TANC2: variants seen among roughly 807,000 people sequenced by gnomAD.
TANC2 encodes protein TANC2.
TANC2 carries 26 observed loss-of-function variants against 210.5 expected under a neutral mutation model. The observed-to-expected ratio is 0.12, with a 90% CI of 0.09 to 0.17. The LOEUF is 0.17. Among genes scored for constraint, TANC2 ranks in the 10% least tolerant of loss-of-function variants. TANC2 has a pLI of 1.00. For missense variants in TANC2, 2,129 were observed against 2,608.9 expected (o/e 0.82, Z 4.01); for synonymous variants, 931 against 967.1 (o/e 0.96, Z 0.69).
At chr17:63,357,276 TACC>T (rs1351639030) in intron 14 of TANC2, among the ~76,000 whole-genome samples, 2 of 152,204 alleles carry the variant, frequency 1.3e-5, no homozygotes, top group Non-Finnish European at 2.9e-5. Context: ...GCAACCAGAC[TACC>T]ACTGAATTAA....
chr17:63,246,591 T>A (rs571916394), intron 8 of TANC2, among the ~76,000 whole-genome samples: 5 of 152,178 alleles, frequency 3.3e-5, no homozygotes, highest in Non-Finnish European at 5.9e-5. Flanking sequence ...TGTATCTGGC[T>A]TCTTTCACTC....
intron 9 of TANC2, among the ~76,000 whole-genome samples, chr17:63,269,440 GA>G (rs1249802556): frequency 6.6e-6 from 1 of 152,100 alleles, no homozygotes; most frequent in African/African-American, 2.4e-5. Context: ...CCGTAATAAA[GA>G]AGATTGGACA....
At chr17:63,018,282 G>A (rs1398319608) in intron 2 of TANC2, among the ~76,000 whole-genome samples, 3 of 151,836 alleles carry the variant, frequency 2.0e-5, no homozygotes, top group Non-Finnish European at 4.4e-5. Flanking sequence ...CCGGGAAGTC[G>A]GGGTTCAAGA....
At chr17:63,405,976 C>G (rs1307157736) in intron 20 of TANC2, among the ~76,000 whole-genome samples, 178 bp from the exon 21 acceptor site, 1 of 152,148 alleles carries the variant, frequency 6.6e-6, no homozygotes, top group Non-Finnish European at 1.5e-5. Context: ...TTGACTGTCC[C>G]TGAGAGAGAT....
intron 9 of TANC2, chr17:63,313,493 T>G (rs1598833796): frequency 6.6e-6 from 1 of 152,160 alleles, no homozygotes; most frequent in East Asian, 1.9e-4. Context: ...ACAGTATAGT[T>G]TATTCTTGGC....
At position 63,291,272 on chromosome 17, in the gene TANC2, T is replaced by C. The variant is rs149564226; in HGVS notation, c.1160-23116T>C. ...TGGCAAACAAATGATTTCATTTTCT[T>C]TTATTATATAGTACAGAGCAGTGAT... On this transcript the variant is annotated intron_variant, in intron 9 of 27. Coordinates refer to ENST00000689528, the Ensembl canonical transcript of TANC2. Among the ~76,000 whole-genome samples the C allele has an allele frequency of 1.4e-3, 210 of 152,358 alleles. 1 individual carries two copies. The highest frequency in any genetic ancestry group is 4.7e-3 in the African/African-American group (196 of 41,590).
chr17:63,023,547 G>C lies in TANC2; in HGVS notation c.67+13921G>C, dbSNP rs912729615. ...TCTGGAGTTGTAAGATTCAATGTCTGCTTTGTTCAGTTTGGGACTTGCTTG... is the reference window on the plus strand; with the variant it reads ...TCTGGAGTTGTAAGATTCAATGTCTCCTTTGTTCAGTTTGGGACTTGCTTG... On this transcript the variant is annotated intron_variant, in intron 2 of 27. Coordinates refer to ENST00000689528, the Ensembl canonical transcript of TANC2. Among the ~76,000 whole-genome samples, 5 of 152,162 alleles carry C rather than the reference G, an allele frequency of 3.3e-5. No homozygotes were observed. The East Asian group carries it at 9.6e-4, about 29-fold the overall frequency.
intron 17 of TANC2, among the ~76,000 whole-genome samples, chr17:63,395,044 AG>A (rs1334543306): frequency 6.6e-6 from 1 of 152,228 alleles, no homozygotes; most frequent in Non-Finnish European, 1.5e-5. Context: ...CTACCAGAAA[AG>A]GCTACTCATC....
intron 2 of TANC2, among the ~76,000 whole-genome samples, chr17:63,016,090 CA>C (rs2034095982): frequency 6.6e-6 from 1 of 152,054 alleles, no homozygotes; most frequent in South Asian, 2.1e-4. Context: ...GATAGAGAAA[CA>C]AAAGTGAGCA....
intron 5 of TANC2, among the ~76,000 whole-genome samples, chr17:63,179,465 T>G (rs920328184): frequency 2.0e-5 from 3 of 152,214 alleles, no homozygotes; most frequent in African/African-American, 7.2e-5. Flanking sequence ...ATTAAATGAT[T>G]TAATACATAT....
At chr17:63,209,116 C>T (rs1411513290) in intron 7 of TANC2, among the ~76,000 whole-genome samples, 1 of 151,772 alleles carries the variant, frequency 6.6e-6, no homozygotes, top group African/African-American at 2.4e-5. Context: ...CTGAAGTGAT[C>T]CTCCCTCTTC....
chr17:63,098,480 A>C (rs1480900690), intron 3 of TANC2, among the ~76,000 whole-genome samples: 1 of 25,794 alleles, frequency 3.9e-5, no homozygotes, highest in African/African-American at 2.1e-4. Flanking sequence ...ACACACACAC[A>C]TACACTCTCT....
At chr17:63,243,844 A>G (rs1041215350) in intron 8 of TANC2, among the ~76,000 whole-genome samples, 1 of 152,220 alleles carries the variant, frequency 6.6e-6, no homozygotes, top group Non-Finnish European at 1.5e-5. Context: ...AGTTCAAGAC[A>G]CCTTTGTAAG....
At position 63,421,364 on chromosome 17, in the gene TANC2, C is replaced by A. The variant is rs780335763; in HGVS notation, c.5634C>A (p.Asn1878Lys). Reference sequence around the variant, plus strand: ...GCAATAGTATCTCCTCCACCTCCAACCTAACTCCGACCTTCCGGCCATCTT... The same window carrying A: ...GCAATAGTATCTCCTCCACCTCCAAACTAACTCCGACCTTCCGGCCATCTT... The change falls in exon 28 of 28, where the codon AAC (asparagine) becomes AAA (lysine). Residue 1878 changes from asparagine (N) to lysine (K), a missense_variant. This residue lies in a region of TANC2 where 584 missense variants were observed against 627.3 expected (regional missense o/e 0.93). Transcript: ENST00000689528. The surrounding 1 kb of genome is among the most constrained non-coding windows in gnomAD (Gnocchi z 6.9). 1 of 1,613,942 alleles carries A rather than the reference C, an allele frequency of 6.2e-7. No individual in the cohort carries two copies. The highest frequency in any genetic ancestry group is 1.3e-5 in the African/African-American group (1 of 74,938).
chr17:63,204,671 G>T (rs1046701303), intron 7 of TANC2, among the ~76,000 whole-genome samples: 1 of 152,102 alleles, frequency 6.6e-6, no homozygotes. Context: ...AAGTCATATG[G>T]AATCTTAAAG....
chr17:63,338,958 ATGCC>A (rs764838500), intron 11 of TANC2: 4 of 152,272 alleles, frequency 2.6e-5, no homozygotes, highest in Admixed American at 6.5e-5. Context: ...TGACTGGCAG[ATGCC>A]TGATGAGTTA....
At chr17:63,326,696 C>T (rs1207606558) in intron 11 of TANC2, among the ~76,000 whole-genome samples, 1 of 151,912 alleles carries the variant, frequency 6.6e-6, no homozygotes, top group Admixed American at 6.6e-5. Flanking sequence ...TGCCACTGCA[C>T]TCCAGCCTGG....
intron 8 of TANC2, among the ~76,000 whole-genome samples, chr17:63,255,062 TA>T (rs1379039574): frequency 1.6e-3 from 66 of 40,178 alleles, no homozygotes; most frequent in Non-Finnish European, 3.1e-3. Context: ...AGTTATTTTT[TA>T]TTTATTTATT....
At chr17:63,145,017 TTCTC>T (rs1181622706) in intron 4 of TANC2, among the ~76,000 whole-genome samples, 1 of 152,122 alleles carries the variant, frequency 6.6e-6, no homozygotes, top group Non-Finnish European at 1.5e-5. Context: ...TGGTTTTTCC[TTCTC>T]TCTGTTTTTT....
Sources: gnomAD v4.1 joint callset for allele counts (sites outside exome capture counted in the v4.1 genomes callset) on GRCh38, gnomAD v4.1.1 for gene constraint, gnomAD v4.1.1 regional missense constraint, Gnocchi (gnomAD v3.1) non-coding constraint, MANE v1.5 for transcripts, NCBI Gene and HGNC (gene_info 2026-07-23, HGNC 2026-07-21) for gene names.